EFCAB8: variants seen among roughly 807,000 people sequenced by gnomAD.
EFCAB8 encodes the protein EF-hand calcium-binding domain-containing protein 8.
In EFCAB8, 100 loss-of-function variants were observed where a neutral mutation model predicts 116.3. The ratio of observed to expected loss-of-function variants is 0.86; its 90% CI spans 0.73 to 1.02. EFCAB8 has a LOEUF of 1.02. Ranked by LOEUF, EFCAB8 falls within the 50% of genes least tolerant of loss-of-function variation. The probability of loss-of-function intolerance (pLI) is 0.00; values close to 1 mark genes in which losing one functional copy is unlikely to be tolerated. For missense variants in EFCAB8, 1,320 were observed against 1,416.9 expected (o/e 0.93, Z 1.10); for synonymous variants, 558 against 567.9 (o/e 0.98, Z 0.25).
At chr20:32,914,962 G>A (rs1008185916) in intron 17 of EFCAB8, among the ~76,000 whole-genome samples, 2 of 151,770 alleles carry the variant, frequency 1.3e-5, no homozygotes, top group African/African-American at 4.8e-5. Flanking sequence ...GTAGTCATGC[G>A]ATTATCGCTC....
chr20:32,909,759 C>A, intron 14 of EFCAB8, 62 bp from the exon 15 acceptor site: 2 of 859,880 alleles, frequency 2.3e-6, no homozygotes, highest in South Asian at 6.1e-5. Context: ...TTCCCGGCAG[C>A]CCATCACTGT....
At chr20:32,861,017 A>G (rs557098103) in intron 1 of EFCAB8, among the ~76,000 whole-genome samples, 9 of 152,108 alleles carry the variant, frequency 5.9e-5, no homozygotes, top group African/African-American at 2.2e-4. Context: ...CATTACAGGT[A>G]TGAGCCACTG....
Position 32,961,768 on chromosome 20 carries a change from G to A in EFCAB8, c.*159G>A, listed in dbSNP as rs1318376088. On this transcript the variant is annotated 3_prime_UTR_variant, in exon 27 of 27. Coordinates refer to ENST00000400522, the MANE Select transcript of EFCAB8 (RefSeq NM_001143967.2). ...GGAAGTTCACCTGTCTCCTAATCTT[G>A]TCTTCTCTCTGGCCCCGCACAGAGC... is the stretch of plus-strand genomic sequence containing the variant. Among the ~76,000 whole-genome samples the A allele has an allele frequency of 2.6e-5, 4 of 152,224 alleles. No individual in the cohort carries two copies. Among genetic ancestry groups the A allele is most frequent in the African/African-American group, 4.8e-5 (2 of 41,452 alleles).
chr20:32,901,541 C>G (rs1600402388), intron 11 of EFCAB8, among the ~76,000 whole-genome samples: 2 of 145,920 alleles, frequency 1.4e-5, no homozygotes, highest in South Asian at 4.1e-4. Context: ...AGGAGGGCCT[C>G]TGTGGGCCGG....
In EFCAB8 at chr20:32,924,958, G is replaced by C. The variant is rs568123719; in HGVS notation, c.2412+4743G>C. On this transcript the variant is annotated intron_variant, in intron 20 of 26. Transcript: ENST00000400522. ...TTGTGGGCACAGTGAAGCATTTTAG[G>C]GTGGTGCCCTGGAGAGGGTCCAGAG... is the stretch of plus-strand genomic sequence containing the variant. 6.6e-5 allele frequency among the ~76,000 whole-genome samples: 10 copies of C among 152,226 alleles called. No individual in the cohort carries two copies. The East Asian group carries it at 1.9e-3, about 29-fold the overall frequency.
At chr20:32,920,054 T>C in intron 19 of EFCAB8, 24 bp from the exon 20 acceptor site, 1 of 1,551,728 alleles carries the variant, frequency 6.4e-7, no homozygotes, top group Non-Finnish European at 8.7e-7. Flanking sequence ...TCATGGTGAC[T>C]TGGGTGCCCA....
Position 32,941,140 on chromosome 20 carries a change from T to C in EFCAB8, c.2791-2496T>C, listed in dbSNP as rs952471053. Reference sequence around the variant, plus strand: ...GATGGCGGGTGCCTGTAATCCCAGCTACTCGGGAGGCTGAGGCAGGAGAAT... The same window carrying C: ...GATGGCGGGTGCCTGTAATCCCAGCCACTCGGGAGGCTGAGGCAGGAGAAT... On this transcript the variant is annotated intron_variant, in intron 22 of 26. Transcript: ENST00000400522. 4.0e-5 allele frequency among the ~76,000 whole-genome samples: 6 copies of C among 149,122 alleles called. 1 individual carries two copies. The highest frequency in any genetic ancestry group is 3.3e-4 in the Admixed American group (5 of 15,034).
chr20:32,913,949 G>T (rs577395073), intron 17 of EFCAB8, among the ~76,000 whole-genome samples: 4 of 152,370 alleles, frequency 2.6e-5, no homozygotes, highest in Admixed American at 2.6e-4. Flanking sequence ...GGAACCCTAA[G>T]ACTCTGGGCA....
chr20:32,937,640 A>G (rs145307302), intron 22 of EFCAB8, among the ~76,000 whole-genome samples: 6,213 of 151,718 alleles, frequency 0.041, 169 homozygotes, highest in Non-Finnish European at 0.065. Context: ...TTTTGTTGAG[A>G]CAGAGTCTCA....
At chr20:32,940,023 C>CCCTTCCTTCCTTCCTTCCTTCCTT (rs757461144) in intron 22 of EFCAB8, among the ~76,000 whole-genome samples, 2 of 56,124 alleles carry the variant, frequency 3.6e-5, no homozygotes, top group African/African-American at 8.5e-5. Context: ...CTCCCTCCCT[C>CCCTTCCTTCCTTCCTTCCTTCCTT]CCTTCCTTCC....
chr20:32,873,652 C>G (rs1401590148), intron 3 of EFCAB8, among the ~76,000 whole-genome samples: 1 of 151,654 alleles, frequency 6.6e-6, no homozygotes, highest in Non-Finnish European at 1.5e-5. Context: ...CACTTGAGGT[C>G]AGGAGTTTGA....
At chr20:32,862,336 C>T (rs1390904757) in intron 1 of EFCAB8, among the ~76,000 whole-genome samples, 1 of 152,036 alleles carries the variant, frequency 6.6e-6, no homozygotes, top group Non-Finnish European at 1.5e-5. Flanking sequence ...CAATGTTGCC[C>T]AGGCTGGTCT....
At position 32,878,701 on chromosome 20, in the gene EFCAB8, C is replaced by T. The variant is rs1315364281; in HGVS notation, c.328-3C>T. 2 of 1,551,360 alleles carry T rather than the reference C, an allele frequency of 1.3e-6. No homozygotes were observed. The highest frequency in any genetic ancestry group is 8.7e-7 in the Non-Finnish European group (1 of 1,146,704). On this transcript the variant is annotated splice_region_variant and splice_polypyrimidine_tract_variant and intron_variant, in intron 4 of 26. Coordinates refer to ENST00000400522, the MANE Select transcript of EFCAB8 (RefSeq NM_001143967.2). ...GCCTCCCTTGTGCTTTCTTTCGAGG[C>T]AGCAAAAGTATGTGGATTACATGAT...
intron 6 of EFCAB8, 45 bp from the exon 7 acceptor site, chr20:32,889,256 T>G: frequency 3.3e-6 from 5 of 1,525,086 alleles, no homozygotes; most frequent in Non-Finnish European, 3.6e-6. Flanking sequence ...TGCACTGGCC[T>G]GAGTATGCGT....
intron 11 of EFCAB8, among the ~76,000 whole-genome samples, chr20:32,906,014 T>G (rs1700450494): frequency 6.6e-6 from 1 of 152,096 alleles, no homozygotes; most frequent in Admixed American, 6.5e-5. Flanking sequence ...GGTGTCTCTA[T>G]CCCTAGCGCA....
rs894899773 is a variant in EFCAB8, at chr20:32,874,850, G to A, written c.209-1076G>A. Among the ~76,000 whole-genome samples, 5 of 152,110 alleles carry A rather than the reference G, an allele frequency of 3.3e-5. No individual in the cohort carries two copies. The South Asian group carries it at 6.2e-4, about 19-fold the overall frequency. On this transcript the variant is annotated intron_variant, in intron 3 of 26. Coordinates refer to ENST00000400522, the MANE Select transcript of EFCAB8 (RefSeq NM_001143967.2). ...CAACCTCTGCCTCCTGGATTCAAGC[G>A]ATTCTCCTGCCTCAACCTCCCAAGT...
rs1036203642 is a variant in EFCAB8 at position 32,875,798 on chromosome 20, C to T, written c.209-128C>T. ...TGCTGGAATTACAAGCATGAGCCAC[C>T]GCGCCTGGCCGTAGATGTGGTCTTC... On this transcript the variant is annotated intron_variant, in intron 3 of 26. Transcript: ENST00000400522. The T allele has an allele frequency of 8.3e-5, 62 of 748,028 alleles. 1 individual carries two copies. In the South Asian group the frequency reaches 9.2e-4, roughly 11 times the overall value. 46.3% of individuals were successfully genotyped at this position (748,028 alleles called of 1,614,324 possible).
chr20:32,859,078 C>G, intron 1 of EFCAB8, 72 bp downstream of exon 1: 1 of 470,262 alleles, frequency 2.1e-6, no homozygotes. Flanking sequence ...TCTGCCTGAC[C>G]TCCAAGGCTG....
chr20:32,918,605 C>T (rs779852450), intron 19 of EFCAB8, 31 bp downstream of exon 19: 1 of 1,545,706 alleles, frequency 6.5e-7, no homozygotes, highest in Non-Finnish European at 8.8e-7. Context: ...AGAAGGCTAC[C>T]CTCACTCTCT....
Sources: gnomAD v4.1 joint callset for allele counts (sites outside exome capture counted in the v4.1 genomes callset) on GRCh38, gnomAD v4.1.1 for gene constraint, MANE v1.5 for transcripts, NCBI Gene and HGNC (gene_info 2026-07-23, HGNC 2026-07-21) for gene names.